KIDINS220: variants seen among roughly 807,000 people sequenced by gnomAD.
KIDINS220 encodes the protein kinase D interacting substrate 220.
Under a neutral mutation model 157.6 loss-of-function variants are expected in KIDINS220, and 63 were observed. That is an observed-to-expected ratio of 0.40 (90% CI 0.33 to 0.49). The LOEUF is 0.49. Among genes scored for constraint, KIDINS220 ranks in the 20% least tolerant of loss-of-function variants. The pLI is 0.66. For missense variants in KIDINS220, 1,772 were observed against 2,171.2 expected (o/e 0.82, Z 3.65); for synonymous variants, 732 against 783.6 (o/e 0.93, Z 1.10).
chr2:8,762,534 G>A (rs1271009868), intron 22 of KIDINS220, among the ~76,000 whole-genome samples: 2 of 151,926 alleles, frequency 1.3e-5, no homozygotes, highest in African/African-American at 2.4e-5. Flanking sequence ...TCAGGAGATC[G>A]AGACCATCCT....
chr2:8,772,462 C>T (rs1000927113), intron 21 of KIDINS220, among the ~76,000 whole-genome samples: 8 of 150,114 alleles, frequency 5.3e-5, no homozygotes, highest in African/African-American at 1.2e-4. Context: ...GAGGACAGAG[C>T]GAGACTATCT....
chr2:8,734,968 G>A (rs913016116), intron 27 of KIDINS220, among the ~76,000 whole-genome samples: 2 of 152,152 alleles, frequency 1.3e-5, no homozygotes, highest in Admixed American at 1.3e-4. Context: ...AAATGTCTTA[G>A]GCATTTTCTG....
rs367747789 is a variant in KIDINS220 at position 8,776,907 on chromosome 2, C to T, written c.2704-15G>A. ...CGGTAAGTGTCCTGAAACAGCACGT[C>T]GTCAGTGAGAAGGAACCCACGCGTC... On this transcript the variant is annotated splice_polypyrimidine_tract_variant and intron_variant, in intron 20 of 29. Transcript: ENST00000256707. 14 of 1,611,828 alleles carry T rather than the reference C, an allele frequency of 8.7e-6. No individual in the cohort carries two copies. In the Admixed American group the frequency reaches 1.0e-4, roughly 12 times the overall value.
intron 22 of KIDINS220, chr2:8,757,779 C>A (rs146632457): frequency 1.2e-6 from 2 of 1,610,158 alleles, no homozygotes; most frequent in African/African-American, 2.7e-5. Flanking sequence ...ACTGTCTGCT[C>A]CACAGCATCT....
chr2:8,791,259 A>G, intron 12 of KIDINS220, 35 bp from the exon 13 acceptor site: 1 of 1,549,202 alleles, frequency 6.5e-7, no homozygotes, highest in Non-Finnish European at 8.9e-7. Flanking sequence ...TACATTAAAC[A>G]GTGGCATTAC....
rs1446569373 is a variant in KIDINS220 at position 8,804,830 on chromosome 2, A to G, written c.603+1441T>C. Among the ~76,000 whole-genome samples, 4 of 152,178 alleles carry G rather than the reference A, an allele frequency of 2.6e-5. No individual in the cohort carries two copies. In the East Asian group the frequency reaches 5.8e-4, roughly 22 times the overall value. On this transcript the variant is annotated intron_variant, in intron 7 of 29. Coordinates refer to ENST00000256707, the MANE Select transcript of KIDINS220 (RefSeq NM_020738.4). ...TTTTTCCACATCCATCAAGCAATCA[A>G]TTCTGCAGCAGACACCAGCTGGGTA...
intron 4 of KIDINS220, among the ~76,000 whole-genome samples, chr2:8,814,633 T>C (rs1676798064): frequency 6.6e-6 from 1 of 152,204 alleles, no homozygotes; most frequent in African/African-American, 2.4e-5. Context: ...CTGCTGCAAG[T>C]AAGATTCACT....
At chr2:8,783,799 G>C (rs1237582127) in intron 17 of KIDINS220, among the ~76,000 whole-genome samples, 1 of 152,112 alleles carries the variant, frequency 6.6e-6, no homozygotes, top group African/African-American at 2.4e-5. Flanking sequence ...ACTCTTGAAA[G>C]AAATCAAGGA....
Position 8,731,999 on chromosome 2 carries a change from A to G in KIDINS220, c.4054-17T>C, listed in dbSNP as rs1664185155. The G allele has an allele frequency of 6.5e-7, 1 of 1,529,136 alleles. No homozygotes were observed. The highest frequency in any genetic ancestry group is 1.3e-5 in the South Asian group (1 of 75,258). 94.7% of individuals were successfully genotyped at this position (1,529,136 alleles called of 1,614,324 possible). On this transcript the variant is annotated splice_polypyrimidine_tract_variant and intron_variant, in intron 29 of 29. Transcript: ENST00000256707. This position sits in a 1 kb window ranked among gnomAD's most constrained non-coding sequence, Gnocchi z 5.2. ...AGTTTGTGACTGTGAAGACAGAAAA[A>G]AAATAATTTAAAAATTCAAATAAGA...
rs185898616 is a variant in KIDINS220 at position 8,747,297 on chromosome 2, C to T, written c.3529-96G>A. On this transcript the variant is annotated intron_variant, in intron 25 of 29. Coordinates refer to ENST00000256707, the MANE Select transcript of KIDINS220 (RefSeq NM_020738.4). ...CATGATGGTAAAATAATATACAACA[C>T]TGAAACTCAACAGTTTATGTTTTTG... is the stretch of plus-strand genomic sequence containing the variant. 5.8e-5 allele frequency: 59 copies of T among 1,022,678 alleles called. No homozygotes were observed. The Middle Eastern group carries it at 6.2e-4, about 11-fold the overall frequency. The allele number at this position is 1,022,678 out of a possible 1,614,324, so 63.4% of individuals were successfully genotyped here.
chr2:8,764,704 G>A (rs762766123), intron 22 of KIDINS220, among the ~76,000 whole-genome samples: 18 of 152,122 alleles, frequency 1.2e-4, no homozygotes, highest in Non-Finnish European at 2.1e-4. Flanking sequence ...CTGGATGGAC[G>A]GTATTCTCTT....
At chr2:8,752,524 T>C (rs1385572174) in intron 22 of KIDINS220, among the ~76,000 whole-genome samples, 3 of 152,020 alleles carry the variant, frequency 2.0e-5, no homozygotes, top group Non-Finnish European at 4.4e-5. Context: ...TCAATGAAGA[T>C]TCATTGAGTT....
At chr2:8,761,597 A>G (rs1269838099) in intron 22 of KIDINS220, among the ~76,000 whole-genome samples, 2 of 152,172 alleles carry the variant, frequency 1.3e-5, no homozygotes, top group Non-Finnish European at 2.9e-5. Flanking sequence ...TCAGTGCTGA[A>G]AAATGTCCTG....
At position 8,827,006 on chromosome 2, in the gene KIDINS220, C is replaced by A. The variant is rs760706988; in HGVS notation, c.88G>T (p.Asp30Tyr). ...ALKALLEKCKDVDERNECGQT... is the reference protein window; with the variant it reads ...ALKALLEKCKYVDERNECGQT... ...CTTACCTCATTTCTCTCATCTACATCTTTGCATTTTTCAAGAAGAGCTTTC... is the reference window on the plus strand; with the variant it reads ...CTTACCTCATTTCTCTCATCTACATATTTGCATTTTTCAAGAAGAGCTTTC... Residue 30 changes from aspartate to tyrosine, a missense_variant, in exon 2 of 30, where the codon GAT (aspartate) becomes TAT (tyrosine). By Grantham distance (160) the Asp-to-Tyr change is radical. Coordinates refer to ENST00000256707, the MANE Select transcript of KIDINS220 (RefSeq NM_020738.4). 1 of 1,607,352 alleles carries A rather than the reference C, an allele frequency of 6.2e-7. No individual in the cohort carries two copies. Among genetic ancestry groups the A allele is most frequent in the South Asian group, 1.1e-5 (1 of 90,664 alleles).
rs757614999 is a variant in KIDINS220, at chr2:8,731,160, G to A, written c.4876C>T (p.Arg1626Trp). Residue 1626 changes from arginine to tryptophan, a missense_variant, in exon 30 of 30, where the codon CGG (arginine) becomes TGG (tryptophan). Transcript: ENST00000256707. This position sits in a 1 kb window ranked among gnomAD's most constrained non-coding sequence, Gnocchi z 5.2. ...ELEDDSHSGK[R>W]GIPHSLSGLQ... ...CCACTCAGGCTATGTGGGATTCCCC[G>A]CTTTCCGCTGTGACTGTCATCTTCC... 8.1e-6 allele frequency: 13 copies of A among 1,614,002 alleles called. No individual in the cohort carries two copies. The Admixed American group carries it at 8.3e-5, about 10-fold the overall frequency.
chr2:8,765,314 A>T (rs1024215056), intron 22 of KIDINS220, among the ~76,000 whole-genome samples: 1 of 152,170 alleles, frequency 6.6e-6, no homozygotes, highest in Non-Finnish European at 1.5e-5. Flanking sequence ...AAAGCAACTC[A>T]TTAGTTGCTC....
chr2:8,798,616 T>C (rs1268986157), intron 9 of KIDINS220, among the ~76,000 whole-genome samples: 4 of 152,218 alleles, frequency 2.6e-5, no homozygotes, highest in Admixed American at 6.5e-5. Context: ...AACTCAGACA[T>C]GTCACTTGGC....
intron 6 of KIDINS220, among the ~76,000 whole-genome samples, chr2:8,810,020 C>T (rs965120116): frequency 6.6e-5 from 10 of 152,106 alleles, no homozygotes; most frequent in African/African-American, 2.2e-4. Context: ...GCACTCAACA[C>T]TAGCTCAACA....
At chr2:8,836,499 G>A (rs1291843995) in intron 1 of KIDINS220, among the ~76,000 whole-genome samples, 1 of 152,194 alleles carries the variant, frequency 6.6e-6, no homozygotes, top group Non-Finnish European at 1.5e-5. Flanking sequence ...GCTCCTCCCC[G>A]GGAGAATCCC....
Sources: gnomAD v4.1 joint callset for allele counts (sites outside exome capture counted in the v4.1 genomes callset) on GRCh38, gnomAD v4.1.1 for gene constraint, Gnocchi (gnomAD v3.1) non-coding constraint, MANE v1.5 for transcripts, NCBI Gene and HGNC (gene_info 2026-07-23, HGNC 2026-07-21) for gene names.